Variants in RBMS3 observed in about 807,000 individuals in gnomAD.
RBMS3 encodes RNA-binding motif, single-stranded-interacting protein 3.
Under a neutral mutation model 66.8 loss-of-function variants are expected in RBMS3, and 27 were observed. The observed-to-expected ratio is 0.40, with a 90% CI of 0.30 to 0.56. The LOEUF is 0.56. Ranked by LOEUF, RBMS3 falls within the 20% of genes least tolerant of loss-of-function variation. The probability of loss-of-function intolerance (pLI) is 0.40; values close to 1 mark genes in which losing one functional copy is unlikely to be tolerated. For missense variants in RBMS3, 513 were observed against 549.5 expected (o/e 0.93, Z 0.66); for synonymous variants, 188 against 183.0 (o/e 1.03, Z -0.22).
intron 3 of RBMS3, among the ~76,000 whole-genome samples, chr3:29,520,407 C>G (rs1390623826): frequency 1.3e-5 from 2 of 152,140 alleles, no homozygotes; most frequent in African/African-American, 4.8e-5. Flanking sequence ...GGGGCTTGCA[C>G]TACATTTCTA....
intron 7 of RBMS3, among the ~76,000 whole-genome samples, chr3:29,879,250 GA>G (rs529143041): frequency 2.6e-5 from 4 of 152,066 alleles, no homozygotes; most frequent in Non-Finnish European, 5.9e-5. Flanking sequence ...TTTCTAAGTA[GA>G]AATACTAGCA....
intron 4 of RBMS3, among the ~76,000 whole-genome samples, chr3:29,603,117 C>A (rs1271130189): frequency 6.6e-6 from 1 of 151,964 alleles, no homozygotes; most frequent in Non-Finnish European, 1.5e-5. Flanking sequence ...TGTTACCACT[C>A]CCACTGTATA....
intron 3 of RBMS3, among the ~76,000 whole-genome samples, chr3:29,542,499 T>G (rs2045802958): frequency 6.6e-6 from 1 of 152,134 alleles, no homozygotes; most frequent in African/African-American, 2.4e-5. Flanking sequence ...TAGCTGGGAT[T>G]ACAAGCACTT....
At chr3:29,528,828 G>A (rs537577000) in intron 3 of RBMS3, among the ~76,000 whole-genome samples, 2 of 152,118 alleles carry the variant, frequency 1.3e-5, no homozygotes, top group East Asian at 3.9e-4. Flanking sequence ...CTGCCTCCCA[G>A]GTTCAAGCGA....
intron 4 of RBMS3, among the ~76,000 whole-genome samples, chr3:29,604,262 A>G (rs2048246508): frequency 1.3e-5 from 2 of 151,928 alleles, no homozygotes; most frequent in African/African-American, 4.8e-5. Flanking sequence ...ATAATATTTC[A>G]TCTTATAAGT....
At chr3:29,796,801 C>T (rs936909407) in intron 6 of RBMS3, among the ~76,000 whole-genome samples, 2 of 149,146 alleles carry the variant, frequency 1.3e-5, no homozygotes, top group South Asian at 4.2e-4. Context: ...CAACCTCCAC[C>T]TCCTGGGTTC....
chr3:29,974,835 ATTTATAT>A (rs1473511053), intron 12 of RBMS3, among the ~76,000 whole-genome samples: 2 of 140,478 alleles, frequency 1.4e-5, no homozygotes, highest in African/African-American at 2.6e-5. Flanking sequence ...ACGTTTATAT[ATTTATAT>A]TTTTATATAT....
chr3:29,567,399 T>C (rs1212103989), intron 3 of RBMS3, among the ~76,000 whole-genome samples: 2 of 152,206 alleles, frequency 1.3e-5, no homozygotes, highest in African/African-American at 4.8e-5. Flanking sequence ...ACCTACCTTC[T>C]TCACACTCAT....
chr3:29,947,015 T>C (rs188736106), intron 12 of RBMS3, among the ~76,000 whole-genome samples: 57 of 151,524 alleles, frequency 3.8e-4, no homozygotes, highest in African/African-American at 1.3e-3. Context: ...AAACTGTGGG[T>C]TTAAGGAAGA....
intron 1 of RBMS3, among the ~76,000 whole-genome samples, chr3:29,351,744 T>C (rs1437737363): frequency 6.6e-6 from 1 of 152,112 alleles, no homozygotes; most frequent in Non-Finnish European, 1.5e-5. Context: ...CTCATATGTT[T>C]TTCTTTTGTG....
chr3:29,916,005 A>G (rs2149643057), intron 10 of RBMS3, among the ~76,000 whole-genome samples: 1 of 152,190 alleles, frequency 6.6e-6, no homozygotes, highest in East Asian at 1.9e-4. Context: ...TTATGTAGAC[A>G]GTCCCATGTA....
At chr3:29,517,307 G>T in intron 3 of RBMS3, among the ~76,000 whole-genome samples, 1 of 104,794 alleles carries the variant, frequency 9.5e-6, no homozygotes, top group South Asian at 3.5e-4. Flanking sequence ...GTGTGTGTGT[G>T]TATATATATA....
chr3:29,988,954 C>A (rs1427236388), intron 13 of RBMS3, among the ~76,000 whole-genome samples: 3 of 152,110 alleles, frequency 2.0e-5, no homozygotes, highest in African/African-American at 7.2e-5. Flanking sequence ...ATTTTGAGAG[C>A]TTTAAAAATA....
At chr3:29,928,134 C>T (rs780950431) in intron 10 of RBMS3, among the ~76,000 whole-genome samples, 1 of 147,138 alleles carries the variant, frequency 6.8e-6, no homozygotes, top group Non-Finnish European at 1.5e-5. Flanking sequence ...TATAACCCCA[C>T]TTAGAACAAA....
chr3:29,643,523 CTTTCAGAATGCAGCAGAGGAGGAAGGG>C (rs1336520670), intron 4 of RBMS3, among the ~76,000 whole-genome samples: 1 of 152,080 alleles, frequency 6.6e-6, no homozygotes, highest in Admixed American at 6.6e-5. Context: ...TCTGACTTTC[CTTTCAGAATGCAGCAGAGGAGGAAGGG>C]TACATTCACG....
chr3:29,808,766 T>C (rs1334514613), intron 6 of RBMS3, among the ~76,000 whole-genome samples: 1 of 151,916 alleles, frequency 6.6e-6, no homozygotes, highest in Non-Finnish European at 1.5e-5. Context: ...TTAAGAATTA[T>C]AAATTATAAA....
intron 3 of RBMS3, 132 bp from the exon 4 acceptor site, chr3:29,586,982 A>G: frequency 1.7e-6 from 1 of 595,218 alleles, no homozygotes; most frequent in Non-Finnish European, 2.9e-6. Flanking sequence ...CTAATCTAAG[A>G]GCCTAATGTT....
At chr3:29,664,035 G>A (rs1307686909) in intron 4 of RBMS3, among the ~76,000 whole-genome samples, 3 of 152,150 alleles carry the variant, frequency 2.0e-5, no homozygotes. Context: ...TGATATATAA[G>A]TATGAACCCC....
chr3:29,595,941 C>T (rs116832012), intron 4 of RBMS3, among the ~76,000 whole-genome samples: 7 of 152,128 alleles, frequency 4.6e-5, no homozygotes, highest in Non-Finnish European at 7.3e-5. Flanking sequence ...ATCCCAAGGA[C>T]AAGGGAGAGA....
Sources: allele counts gnomAD v4.1 joint callset (sites outside exome capture counted in the v4.1 genomes callset), GRCh38; gene constraint gnomAD v4.1.1; transcripts MANE v1.5; gene names NCBI Gene and HGNC (gene_info 2026-07-23, HGNC 2026-07-21).